The following MCC variants were observed in gnomAD, a reference collection of about 807,000 sequenced individuals.
MCC encodes MCC regulator of Wnt signaling pathway.
MCC carries 90 observed loss-of-function variants against 116.2 expected under a neutral mutation model. The observed-to-expected ratio is 0.77, with a 90% CI of 0.65 to 0.92. MCC has a LOEUF of 0.92. Among genes scored for constraint, MCC ranks in the 40% least tolerant of loss-of-function variants. The pLI, the probability that MCC is intolerant of heterozygous loss-of-function variation, is 0.00. For missense variants in MCC, 1,516 were observed against 1,312.2 expected, an observed-to-expected ratio of 1.16 and a Z score of -2.40; for synonymous variants, 578 against 510.5, an observed-to-expected ratio of 1.13 and a Z score of -1.78.
intron 7 of MCC, among the ~76,000 whole-genome samples, chr5:113,102,958 A>G (rs1168122420): frequency 6.6e-6 from 1 of 152,020 alleles, no homozygotes; most frequent in Non-Finnish European, 1.5e-5. Context: ...TACTAAAAAT[A>G]CAAAATTTAG....
intron 3 of MCC, among the ~76,000 whole-genome samples, chr5:113,194,748 A>G (rs1762316412): frequency 1.3e-5 from 2 of 152,208 alleles, no homozygotes. Flanking sequence ...CCCTATGATG[A>G]GTGATGAATG....
intron 3 of MCC, among the ~76,000 whole-genome samples, chr5:113,335,705 G>A (rs1453822525): frequency 6.6e-6 from 1 of 151,566 alleles, no homozygotes; most frequent in African/African-American, 2.4e-5. Flanking sequence ...TTTATGAATA[G>A]GGCTTAGATT....
At chr5:113,369,259 C>G (rs1201768769) in intron 2 of MCC, among the ~76,000 whole-genome samples, 2 of 151,728 alleles carry the variant, frequency 1.3e-5, no homozygotes, top group South Asian at 2.1e-4. Context: ...CTGCCTTGGT[C>G]TTTTCAGTGA....
At chr5:113,113,159 A>G (rs1454072872) in intron 6 of MCC, among the ~76,000 whole-genome samples, 1 of 152,232 alleles carries the variant, frequency 6.6e-6, no homozygotes, top group South Asian at 2.1e-4. Flanking sequence ...AAAGCAATTC[A>G]AAGTGGGAGA....
chr5:113,151,502 C>G lies in MCC; in HGVS notation c.628-80G>C, dbSNP rs1759875562. ...CCCTTCATTCCCGCAACTAGTATAA[C>G]CAAATAAAAAGCCTATCATCCAAAA... is the stretch of plus-strand genomic sequence containing the variant. On this transcript the variant is annotated intron_variant, in intron 3 of 18. Coordinates refer to ENST00000408903, the MANE Select transcript of MCC (RefSeq NM_001085377.2). 32 of 736,184 alleles carry G rather than the reference C, an allele frequency of 4.3e-5. No homozygotes were observed. In the South Asian group the frequency reaches 5.6e-4, roughly 13 times the overall value. 45.6% of individuals were successfully genotyped at this position (736,184 alleles called of 1,614,324 possible).
At chr5:113,180,857 C>A (rs2150308857) in intron 3 of MCC, among the ~76,000 whole-genome samples, 1 of 152,210 alleles carries the variant, frequency 6.6e-6, no homozygotes, top group Middle Eastern at 3.4e-3. Context: ...ACATTTTAAT[C>A]AGAAAAACAA....
intron 5 of MCC, among the ~76,000 whole-genome samples, chr5:113,138,519 G>A (rs1758982871): frequency 6.6e-6 from 1 of 152,154 alleles, no homozygotes; most frequent in African/African-American, 2.4e-5. Context: ...GTGGCCATCT[G>A]CAAGCCAGGA....
chr5:113,261,723 G>T (rs187471601), intron 3 of MCC, among the ~76,000 whole-genome samples: 14 of 152,264 alleles, frequency 9.2e-5, no homozygotes, highest in Admixed American at 5.2e-4. Flanking sequence ...AATCAACATG[G>T]AAGAAATGAA....
intron 1 of MCC, among the ~76,000 whole-genome samples, chr5:113,478,098 G>C (rs1772281233): frequency 6.6e-6 from 1 of 152,162 alleles, no homozygotes; most frequent in African/African-American, 2.4e-5. Context: ...TCCACTTTTT[G>C]GTGATGACAC....
chr5:113,303,432 G>C (rs767991710), intron 3 of MCC, among the ~76,000 whole-genome samples: 5 of 152,232 alleles, frequency 3.3e-5, no homozygotes, highest in Non-Finnish European at 5.9e-5. Flanking sequence ...AGAACATCCA[G>C]AGAAGAACAG....
In MCC at chr5:113,459,120, G is replaced by T. The variant is rs188998786; in HGVS notation, c.170+29125C>A. Among the ~76,000 whole-genome samples the T allele has an allele frequency of 2.7e-3, 371 of 138,336 alleles. 1 individual carries two copies. The highest frequency in any genetic ancestry group is 0.011 in the Middle Eastern group (3 of 274). The allele number at this position is 138,336 out of a possible 152,430, so 90.8% of individuals were successfully genotyped here. A position where few individuals can be genotyped will look rare whatever the true frequency, so the allele number is the denominator to read the frequency against. On this transcript the variant is annotated intron_variant, in intron 1 of 18. Coordinates refer to ENST00000408903, the MANE Select transcript of MCC (RefSeq NM_001085377.2). ...TGATGGCAACAATGAGGTCTCTGGGGAGGAGTAAGGATATGTGTGTGTGTG... is the reference window on the plus strand; with the variant it reads ...TGATGGCAACAATGAGGTCTCTGGGTAGGAGTAAGGATATGTGTGTGTGTG...
chr5:113,281,569 T>G (rs151221313), intron 3 of MCC, among the ~76,000 whole-genome samples: 162 of 152,248 alleles, frequency 1.1e-3, no homozygotes, highest in African/African-American at 3.8e-3. Context: ...TGGGACAAAA[T>G]TAGGGCAAAA....
chr5:113,139,167 G>A (rs1218387566), intron 5 of MCC, among the ~76,000 whole-genome samples: 1 of 152,032 alleles, frequency 6.6e-6, no homozygotes, highest in African/African-American at 2.4e-5. Flanking sequence ...GACTCTGTTT[G>A]TTCAGTGGTA....
At chr5:113,092,140 C>A (rs1348826454) in intron 8 of MCC, among the ~76,000 whole-genome samples, 1 of 152,178 alleles carries the variant, frequency 6.6e-6, no homozygotes, top group African/African-American at 2.4e-5. Context: ...GCATCCACGC[C>A]CTAAACCCCG....
At chr5:113,220,626 T>C (rs1392443248) in intron 3 of MCC, among the ~76,000 whole-genome samples, 1 of 152,252 alleles carries the variant, frequency 6.6e-6, no homozygotes, top group Non-Finnish European at 1.5e-5. Context: ...TGTTCATTAC[T>C]AGAATACAGA....
intron 1 of MCC, among the ~76,000 whole-genome samples, chr5:113,399,784 G>A (rs1440619146): frequency 6.6e-6 from 1 of 152,060 alleles, no homozygotes; most frequent in Non-Finnish European, 1.5e-5. Context: ...CAAGCAGAAG[G>A]GTAAGGATGT....
At chr5:113,082,779 T>C (rs772439654) in intron 11 of MCC, 81 bp downstream of exon 11, 19 of 1,548,048 alleles carry the variant, frequency 1.2e-5, no homozygotes, top group Admixed American at 5.3e-5. Context: ...ATAAGCCACC[T>C]TGAACAGATC....
chr5:113,485,430 A>C (rs1772493408), intron 1 of MCC, among the ~76,000 whole-genome samples: 1 of 152,216 alleles, frequency 6.6e-6, no homozygotes, highest in Admixed American at 6.5e-5. Context: ...GTTGAATTAT[A>C]TGCTTCCTCG....
In MCC at chr5:113,165,029, C is replaced by A. The variant is rs147371567; in HGVS notation, c.628-13607G>T. On this transcript the variant is annotated intron_variant, in intron 3 of 18. Coordinates refer to ENST00000408903, the MANE Select transcript of MCC (RefSeq NM_001085377.2). The stretch of plus-strand genomic sequence containing the variant: ...TTCCTGCAAGTAAGCCATGAACCTA[C>A]CAAAGCTGGTGCACCTCCTGCACCC... 2.1e-3 allele frequency among the ~76,000 whole-genome samples: 322 copies of A among 152,330 alleles called. 2 individuals carry two copies. The highest frequency in any genetic ancestry group is 0.014 in the Middle Eastern group (4 of 294).
Sources: gnomAD v4.1 joint callset for allele counts (sites outside exome capture counted in the v4.1 genomes callset) on GRCh38, gnomAD v4.1.1 for gene constraint, MANE v1.5 for transcripts, NCBI Gene and HGNC (gene_info 2026-07-23, HGNC 2026-07-21) for gene names.